The following DNAH17 variants were observed in gnomAD, a reference collection of about 807,000 sequenced individuals.
The protein encoded by DNAH17 is dynein axonemal heavy chain 17.
DNAH17 carries 376 observed loss-of-function variants against 485.6 expected under a neutral mutation model. The observed-to-expected ratio is 0.77, with a 90% CI of 0.71 to 0.84. DNAH17 has a LOEUF of 0.84. DNAH17 is among the 40% of genes least tolerant of loss of function. The pLI, the probability that DNAH17 is intolerant of heterozygous loss-of-function variation, is 0.00. For synonymous variants in DNAH17, 3,031 were observed against 2,405.9 expected (o/e 1.26, Z -7.60); for missense variants, 6,370 against 5,839.3 (o/e 1.09, Z -2.96).
chr17:78,515,617 G>A (rs2090759609), intron 25 of DNAH17, among the ~76,000 whole-genome samples: 1 of 152,258 alleles, frequency 6.6e-6, no homozygotes, highest in African/African-American at 2.4e-5. Context: ...TCACTTCTCA[G>A]TATGTCCATG....
At chr17:78,568,440 CTTTT>C (rs370677978) in intron 9 of DNAH17, among the ~76,000 whole-genome samples, 1 of 152,230 alleles carries the variant, frequency 6.6e-6, no homozygotes, top group Admixed American at 6.5e-5. Context: ...TGATTTTCCC[CTTTT>C]TTAAGGATGT....
intron 30 of DNAH17, 142 bp from the exon 31 acceptor site, chr17:78,505,587 C>G: frequency 1.8e-6 from 2 of 1,115,380 alleles, no homozygotes; most frequent in South Asian, 1.5e-5. Flanking sequence ...CTAAACATGA[C>G]TAAGTCAACA....
intron 53 of DNAH17, 44 bp downstream of exon 53, chr17:78,475,625 C>CGGTCCA (rs2088979449): frequency 6.2e-7 from 1 of 1,608,606 alleles, no homozygotes; most frequent in Non-Finnish European, 8.5e-7. Context: ...GAGGGTGACC[C>CGGTCCA]GGTCCAGGTC....
At chr17:78,540,175 C>G (rs2091483243) in intron 17 of DNAH17, among the ~76,000 whole-genome samples, 1 of 150,540 alleles carries the variant, frequency 6.6e-6, no homozygotes, top group African/African-American at 2.5e-5. Flanking sequence ...GTTATTTATG[C>G]CTACCATGGC....
At chr17:78,518,182 A>G (rs2090839404) in intron 25 of DNAH17, among the ~76,000 whole-genome samples, 1 of 152,250 alleles carries the variant, frequency 6.6e-6, no homozygotes, top group Non-Finnish European at 1.5e-5. Context: ...AAACAGATCA[A>G]TTAAAAGCCA....
chr17:78,491,554 G>A lies in DNAH17; in HGVS notation c.6558C>T (p.Ile2186=). ...REWKDGLFST[I]MRDLANITHD... is the part of the protein sequence containing the mutation. ...GGGTGATGTTGGCCAGGTCTCGCAT[G>A]ATGGTGGAGAACAGGCCTGGGGGAG... is the stretch of plus-strand genomic sequence containing the variant. Residue 2186 remains isoleucine, a synonymous_variant, in exon 43 of 81, where the codon ATC becomes ATT. Coordinates refer to ENST00000389840, the MANE Select transcript of DNAH17 (RefSeq NM_173628.4). 1 of 1,613,996 alleles carries A rather than the reference G, an allele frequency of 6.2e-7. No individual in the cohort carries two copies. Among genetic ancestry groups the A allele is most frequent in the East Asian group, 2.2e-5 (1 of 44,880 alleles).
Position 78,501,751 on chromosome 17 carries a change from G to A in DNAH17, c.5313C>T (p.Ile1771=), listed in dbSNP as rs754442939. 40 of 1,612,992 alleles carry A rather than the reference G, an allele frequency of 2.5e-5. No individual in the cohort carries two copies. The highest frequency in any genetic ancestry group is 1.1e-4 in the African/African-American group (8 of 74,910). The change falls in exon 34 of 81, where the codon ATC becomes ATT. Residue 1771 remains isoleucine (I), a synonymous_variant. Transcript: ENST00000389840. ...ACAGGGGCGCTCATGCCTTGGCCAC[G>A]ATCATTTTGGCCACCACGTCCCGTG... ...VHARDVVAKM[I]VAKVESSQAF...
At position 78,550,783 on chromosome 17, in the gene DNAH17, C is replaced by T. The variant is rs370672381; in HGVS notation, c.2391+752G>A. 2.6e-5 allele frequency among the ~76,000 whole-genome samples: 4 copies of T among 152,196 alleles called. No homozygotes were observed. The East Asian group carries it at 5.8e-4, about 22-fold the overall frequency. On this transcript the variant is annotated intron_variant, in intron 16 of 80. Coordinates refer to ENST00000389840, the MANE Select transcript of DNAH17 (RefSeq NM_173628.4). The stretch of plus-strand genomic sequence containing the variant: ...TTCTGGAGCAGTGAAAGAAAAGGAC[C>T]GTATCAAGAAACCCCTGACCTGGAC...
intron 49 of DNAH17, 42 bp from the exon 50 acceptor site, chr17:78,479,674 G>T: frequency 6.2e-7 from 1 of 1,607,246 alleles, no homozygotes; most frequent in South Asian, 1.1e-5. Flanking sequence ...CCAGCTCTTG[G>T]GGACCTGCCT....
At chr17:78,551,824 A>G (rs1200569996) in intron 15 of DNAH17, among the ~76,000 whole-genome samples, 186 bp from the exon 16 acceptor site, 2 of 152,040 alleles carry the variant, frequency 1.3e-5, no homozygotes, top group East Asian at 3.9e-4. Flanking sequence ...TTAGCTGGGC[A>G]TAGCAGTGGG....
At chr17:78,520,328 C>T (rs1598631975) in intron 25 of DNAH17, among the ~76,000 whole-genome samples, 1 of 152,200 alleles carries the variant, frequency 6.6e-6, no homozygotes, top group African/African-American at 2.4e-5. Flanking sequence ...GATGTGTGAA[C>T]TCACCACTCT....
intron 57 of DNAH17, among the ~76,000 whole-genome samples, chr17:78,462,310 G>A (rs1360175176): frequency 1.3e-5 from 2 of 151,996 alleles, no homozygotes; most frequent in African/African-American, 4.8e-5. Flanking sequence ...GCAAGTGGGA[G>A]GTCCCAGTCT....
chr17:78,502,428 G>T, intron 33 of DNAH17, 163 bp downstream of exon 33: 1 of 601,374 alleles, frequency 1.7e-6, no homozygotes, highest in Non-Finnish European at 2.9e-6. Context: ...GTGGTGCGTG[G>T]CTGTTATTTG....
intron 18 of DNAH17, among the ~76,000 whole-genome samples, chr17:78,539,314 C>T (rs1598672051): frequency 6.6e-6 from 1 of 152,172 alleles, no homozygotes; most frequent in Non-Finnish European, 1.5e-5. Flanking sequence ...TGGGATTAAC[C>T]AGCACAACCT....
chr17:78,458,461 G>A (rs557145558), intron 62 of DNAH17, 104 bp downstream of exon 62: 372 of 953,518 alleles, frequency 3.9e-4, no homozygotes, highest in African/African-American at 2.9e-3. Flanking sequence ...CAACCTGGCT[G>A]CTTCCACCTG....
chr17:78,517,257 C>T (rs887333146), intron 25 of DNAH17, among the ~76,000 whole-genome samples: 2 of 152,118 alleles, frequency 1.3e-5, no homozygotes, highest in Non-Finnish European at 2.9e-5. Flanking sequence ...TTGGCCAGAC[C>T]GGTCTCAAAC....
At chr17:78,566,832 G>T in intron 10 of DNAH17, 102 bp from the exon 11 acceptor site, 1 of 1,294,990 alleles carries the variant, frequency 7.7e-7, no homozygotes, top group South Asian at 1.4e-5. Context: ...GGACTGAGGC[G>T]CAGCTGAATG....
chr17:78,471,147 T>C (rs1190366415), intron 54 of DNAH17, among the ~76,000 whole-genome samples: 3 of 152,220 alleles, frequency 2.0e-5, no homozygotes, highest in Admixed American at 6.5e-5. Context: ...AGTGTCCATA[T>C]AGGCACCCCA....
At chr17:78,479,285 G>T (rs187710472) in intron 50 of DNAH17, among the ~76,000 whole-genome samples, 169 bp from the exon 51 acceptor site, 1 of 152,300 alleles carries the variant, frequency 6.6e-6, no homozygotes, top group East Asian at 1.9e-4. Flanking sequence ...TAAATCATTT[G>T]TGTATAGAAT....
Sources: gnomAD v4.1 joint callset for allele counts (sites outside exome capture counted in the v4.1 genomes callset) on GRCh38, gnomAD v4.1.1 for gene constraint, MANE v1.5 for transcripts, NCBI Gene and HGNC (gene_info 2026-07-23, HGNC 2026-07-21) for gene names.